The following RBPMS variants were observed in gnomAD, a reference collection of about 807,000 sequenced individuals.
RBPMS encodes the protein RNA-binding protein with multiple splicing.
In RBPMS, 7 loss-of-function variants were observed where a neutral mutation model predicts 26.8. That is an observed-to-expected ratio of 0.26 (90% CI 0.15 to 0.49). The LOEUF is 0.49. Among genes scored for constraint, RBPMS ranks in the 20% least tolerant of loss-of-function variants. The probability of loss-of-function intolerance (pLI) is 0.98; values close to 1 mark genes in which losing one functional copy is unlikely to be tolerated. For missense variants in RBPMS, 186 were observed against 250.0 expected, an observed-to-expected ratio of 0.74 and a Z score of 1.73; for synonymous variants, 96 against 93.3, an observed-to-expected ratio of 1.03 and a Z score of -0.17.
chr8:30,386,614 A>AT (rs1037163761), intron 1 of RBPMS, among the ~76,000 whole-genome samples: 1 of 151,824 alleles, frequency 6.6e-6, no homozygotes, highest in South Asian at 2.1e-4. Flanking sequence ...GTGTGTTCTG[A>AT]TTTTTTTTCT....
chr8:30,421,752 C>G (rs141496575), intron 1 of RBPMS, among the ~76,000 whole-genome samples: 1 of 151,976 alleles, frequency 6.6e-6, no homozygotes, highest in Non-Finnish European at 1.5e-5. Flanking sequence ...GTCAAGAGAT[C>G]GAGACCATCC....
chr8:30,451,904 G>A (rs1407882645), intron 1 of RBPMS, among the ~76,000 whole-genome samples: 2 of 152,206 alleles, frequency 1.3e-5, no homozygotes, highest in East Asian at 3.9e-4. Flanking sequence ...TAATGATTGT[G>A]TTTCTTTTCT....
chr8:30,473,956 G>A (rs760775475), intron 1 of RBPMS, among the ~76,000 whole-genome samples: 8 of 152,140 alleles, frequency 5.3e-5, no homozygotes, highest in East Asian at 1.9e-4. Context: ...GGGAGGAAGA[G>A]CATCAGGAAG....
At chr8:30,488,611 A>G (rs1433946231) in intron 4 of RBPMS, among the ~76,000 whole-genome samples, 2 of 152,154 alleles carry the variant, frequency 1.3e-5, no homozygotes, top group East Asian at 3.9e-4. Flanking sequence ...TAGCAGGAAA[A>G]TGTTGATTTT....
intron 4 of RBPMS, among the ~76,000 whole-genome samples, chr8:30,486,027 A>G (rs1818731032): frequency 6.6e-6 from 1 of 152,238 alleles, no homozygotes; most frequent in Non-Finnish European, 1.5e-5. Context: ...AAGCATTTAC[A>G]TAGGAAACTA....
chr8:30,475,834 C>G (rs1286223502), intron 2 of RBPMS, among the ~76,000 whole-genome samples: 1 of 152,122 alleles, frequency 6.6e-6, no homozygotes, highest in African/African-American at 2.4e-5. Context: ...GGACATAAGT[C>G]CACCTGACAG....
intron 5 of RBPMS, among the ~76,000 whole-genome samples, chr8:30,523,468 C>G (rs1041883755): frequency 6.6e-6 from 1 of 151,274 alleles, no homozygotes; most frequent in Non-Finnish European, 1.5e-5. Flanking sequence ...AGATAATATA[C>G]TTTAAAATGT....
At chr8:30,552,340 G>A (rs1358913444) in intron 6 of RBPMS, 2 of 152,192 alleles carry the variant, frequency 1.3e-5, no homozygotes, top group African/African-American at 2.4e-5. Context: ...TCATAAAAGG[G>A]GAGAGTGAAC....
At chr8:30,497,449 C>T (rs1216572151) in intron 4 of RBPMS, among the ~76,000 whole-genome samples, 1 of 152,122 alleles carries the variant, frequency 6.6e-6, no homozygotes, top group Non-Finnish European at 1.5e-5. Context: ...GAGGCTGAGG[C>T]ATGAGAATTG....
intron 1 of RBPMS, among the ~76,000 whole-genome samples, chr8:30,427,541 C>T (rs1811489484): frequency 1.3e-5 from 2 of 152,224 alleles, no homozygotes; most frequent in African/African-American, 2.4e-5. Context: ...ATGGAAGCCT[C>T]GCTGAACTCC....
At chr8:30,555,542 C>T (rs1038895893) in intron 6 of RBPMS, among the ~76,000 whole-genome samples, 2 of 152,106 alleles carry the variant, frequency 1.3e-5, no homozygotes, top group Non-Finnish European at 2.9e-5. Flanking sequence ...TGAGTGTGCA[C>T]ATTTGAGAGA....
intron 3 of RBPMS, among the ~76,000 whole-genome samples, chr8:30,478,342 A>C (rs991117445): frequency 6.6e-6 from 1 of 151,586 alleles, no homozygotes; most frequent in African/African-American, 2.4e-5. Flanking sequence ...TTTTTTTTTT[A>C]AGCTAAACAC....
At position 30,570,887 on chromosome 8, in the gene RBPMS, A is replaced by G. The variant is rs371791768; in HGVS notation, c.*362A>G. 2.0e-5 allele frequency: 3 copies of G among 152,258 alleles called. No individual in the cohort carries two copies. Among genetic ancestry groups the G allele is most frequent in the African/African-American group, 7.2e-5 (3 of 41,458 alleles). The allele number at this position is 152,258 out of a possible 1,614,324, so 9.4% of individuals were successfully genotyped here. A position where few individuals can be genotyped will look rare whatever the true frequency, so the allele number is the denominator to read the frequency against. On this transcript the variant is annotated 3_prime_UTR_variant, in exon 9 of 9. Coordinates refer to ENST00000397323, the MANE Select transcript of RBPMS (RefSeq NM_001008710.3). ...CAAGAAAAGTGAGTATTTTTATACCAAACATTTTAAGTATGCTGGGATGGA... is the reference window on the plus strand; with the variant it reads ...CAAGAAAAGTGAGTATTTTTATACCGAACATTTTAAGTATGCTGGGATGGA...
At chr8:30,567,117 T>C (rs557630129) in intron 8 of RBPMS, among the ~76,000 whole-genome samples, 4 of 152,240 alleles carry the variant, frequency 2.6e-5, no homozygotes, top group South Asian at 4.2e-4. Flanking sequence ...GTGGTTTATG[T>C]CTCAGCCTAA....
At chr8:30,388,847 G>A (rs1031044797) in intron 1 of RBPMS, among the ~76,000 whole-genome samples, 3 of 152,004 alleles carry the variant, frequency 2.0e-5, no homozygotes, top group African/African-American at 7.2e-5. Context: ...GAATTGACTT[G>A]TACTTATAAT....
At chr8:30,457,366 G>A (rs1815336094) in intron 1 of RBPMS, among the ~76,000 whole-genome samples, 1 of 152,124 alleles carries the variant, frequency 6.6e-6, no homozygotes, top group South Asian at 2.1e-4. Flanking sequence ...CCTGAAAGGT[G>A]GTGGTCATGG....
intron 1 of RBPMS, among the ~76,000 whole-genome samples, chr8:30,423,450 G>A (rs1811017851): frequency 6.6e-6 from 1 of 152,164 alleles, no homozygotes; most frequent in African/African-American, 2.4e-5. Flanking sequence ...CAAAGGGGAA[G>A]GCCTGGCAAA....
intron 4 of RBPMS, among the ~76,000 whole-genome samples, chr8:30,491,931 C>T (rs1172109396): frequency 6.6e-6 from 1 of 152,170 alleles, no homozygotes; most frequent in African/African-American, 2.4e-5. Flanking sequence ...GCTCTTGTCG[C>T]CCAGGCTGGA....
intron 6 of RBPMS, among the ~76,000 whole-genome samples, chr8:30,554,258 A>C (rs1826644037): frequency 6.6e-6 from 1 of 152,196 alleles, no homozygotes; most frequent in Non-Finnish European, 1.5e-5. Context: ...TCCAGCTCGA[A>C]GCATGCAAAT....
Sources: allele counts gnomAD v4.1 joint callset (sites outside exome capture counted in the v4.1 genomes callset), GRCh38; gene constraint gnomAD v4.1.1; transcripts MANE v1.5; gene names NCBI Gene and HGNC (gene_info 2026-07-23, HGNC 2026-07-21).